The following CTNNA3 variants were observed in gnomAD, a reference collection of about 807,000 sequenced individuals.
CTNNA3 encodes the protein catenin alpha-3.
In CTNNA3, 76 loss-of-function variants were observed where a neutral mutation model predicts 95.7. The observed-to-expected ratio is 0.79, with a 90% CI of 0.66 to 0.96. CTNNA3 has a LOEUF of 0.96. CTNNA3 is among the 40% of genes least tolerant of loss of function. The probability of loss-of-function intolerance (pLI) is 0.00; values close to 1 mark genes in which losing one functional copy is unlikely to be tolerated. For synonymous variants in CTNNA3, 431 were observed against 374.4 expected (o/e 1.15, Z -1.74); for missense variants, 1,191 against 1,089.8 (o/e 1.09, Z -1.31).
In CTNNA3 at chr10:66,064,138, T is replaced by C. The variant is rs539134421; in HGVS notation, c.2159+5170A>G. ...TAGGCAAAGGAGAAGCAAGGCACCT[T>C]CTTTACAAGGCGCAGGAAAGAAAAG... On this transcript the variant is annotated intron_variant, in intron 15 of 17. Coordinates refer to ENST00000433211, the MANE Select transcript of CTNNA3 (RefSeq NM_013266.4). 2.8e-4 allele frequency among the ~76,000 whole-genome samples: 42 copies of C among 152,226 alleles called. 1 individual carries two copies. Among genetic ancestry groups the C allele is most frequent in the African/African-American group, 1.0e-3 (42 of 41,548 alleles).
At chr10:66,292,796 C>A (rs985403291) in intron 12 of CTNNA3, among the ~76,000 whole-genome samples, 1 of 152,126 alleles carries the variant, frequency 6.6e-6, no homozygotes, top group Admixed American at 6.5e-5. Flanking sequence ...AGGCTGCCTG[C>A]AAATGTAGAG....
chr10:66,178,634 A>G (rs2085870834), intron 13 of CTNNA3, among the ~76,000 whole-genome samples: 1 of 151,470 alleles, frequency 6.6e-6, no homozygotes, highest in African/African-American at 2.4e-5. Context: ...AAAACAAGCT[A>G]CAGAGTTGGA....
intron 10 of CTNNA3, among the ~76,000 whole-genome samples, chr10:66,621,292 A>T (rs1484233428): frequency 6.6e-6 from 1 of 152,112 alleles, no homozygotes; most frequent in Non-Finnish European, 1.5e-5. Flanking sequence ...CTCTCTTTTT[A>T]AGAATCGCCT....
chr10:66,870,215 T>C (rs953175301), intron 7 of CTNNA3, among the ~76,000 whole-genome samples: 4 of 152,098 alleles, frequency 2.6e-5, no homozygotes, highest in Non-Finnish European at 5.9e-5. Flanking sequence ...AGAGATACAA[T>C]ATGCAAATTA....
In CTNNA3 at chr10:65,918,364, T is replaced by C. The variant is rs2077032404; in HGVS notation, c.*1966A>G. 1 of 152,160 alleles carries C rather than the reference T, an allele frequency of 6.6e-6. No individual in the cohort carries two copies. The highest frequency in any genetic ancestry group is 1.5e-5 in the Non-Finnish European group (1 of 68,006). 9.4% of individuals were successfully genotyped at this position (152,160 alleles called of 1,614,324 possible). On this transcript the variant is annotated 3_prime_UTR_variant, in exon 18 of 18. Transcript: ENST00000433211. Reference sequence around the variant, plus strand: ...TCAAAAAAATTTTCTATACAGCTGGTAGTTTGGTGATTAAAAGAAAATTCC... The same window carrying C: ...TCAAAAAAATTTTCTATACAGCTGGCAGTTTGGTGATTAAAAGAAAATTCC...
At chr10:67,573,387 TA>T (rs1162617091) in intron 3 of CTNNA3, among the ~76,000 whole-genome samples, 1 of 152,128 alleles carries the variant, frequency 6.6e-6, no homozygotes, top group Non-Finnish European at 1.5e-5. Flanking sequence ...GGGTGACTGA[TA>T]AGTCTTGAGG....
At chr10:66,442,339 T>A (rs958109158) in intron 11 of CTNNA3, among the ~76,000 whole-genome samples, 10 of 137,428 alleles carry the variant, frequency 7.3e-5, no homozygotes, top group African/African-American at 2.6e-4. Flanking sequence ...GATGGCTGTA[T>A]AATATGGATT....
At chr10:66,885,505 A>G (rs1845010410) in intron 7 of CTNNA3, among the ~76,000 whole-genome samples, 1 of 152,130 alleles carries the variant, frequency 6.6e-6, no homozygotes, top group Non-Finnish European at 1.5e-5. Flanking sequence ...GTCCAGATTC[A>G]GAACTCAAGT....
intron 7 of CTNNA3, among the ~76,000 whole-genome samples, chr10:67,118,887 T>A (rs1363967580): frequency 6.6e-6 from 1 of 151,902 alleles, no homozygotes; most frequent in Non-Finnish European, 1.5e-5. Flanking sequence ...AAATATATAA[T>A]AACATTTTTA....
chr10:66,805,439 T>C (rs1841600163), intron 7 of CTNNA3, among the ~76,000 whole-genome samples: 1 of 150,684 alleles, frequency 6.6e-6, no homozygotes, highest in African/African-American at 2.4e-5. Flanking sequence ...TAATTATGTG[T>C]TCATGATTTT....
intron 15 of CTNNA3, among the ~76,000 whole-genome samples, chr10:66,047,009 C>A (rs1484569074): frequency 2.0e-5 from 3 of 152,002 alleles, no homozygotes; most frequent in Admixed American, 6.6e-5. Context: ...CCAAAAAAAG[C>A]CCAGGACCTG....
chr10:66,264,301 G>C (rs1260260954), intron 13 of CTNNA3, among the ~76,000 whole-genome samples: 2 of 151,804 alleles, frequency 1.3e-5, no homozygotes, highest in African/African-American at 4.8e-5. Flanking sequence ...AGCCACATTT[G>C]TTTCCCAATT....
In CTNNA3 at chr10:67,162,286, G is replaced by A. The variant is rs1195706589; in HGVS notation, c.1047+18031C>T. Among the ~76,000 whole-genome samples, 6 of 151,520 alleles carry A rather than the reference G, an allele frequency of 4.0e-5. No homozygotes were observed. The East Asian group carries it at 7.7e-4, about 20-fold the overall frequency. The stretch of plus-strand genomic sequence containing the variant: ...CAACAAATTCTCAAGACCACGAGTG[G>A]GACAAGGAAATATCCTACAGGCAGC... On this transcript the variant is annotated intron_variant, in intron 7 of 17. Transcript: ENST00000433211.
At chr10:66,878,903 G>C (rs1844736112) in intron 7 of CTNNA3, among the ~76,000 whole-genome samples, 1 of 152,134 alleles carries the variant, frequency 6.6e-6, no homozygotes, top group South Asian at 2.1e-4. Context: ...ATGTGACTTT[G>C]TACAAACCAA....
At chr10:66,501,005 C>T (rs2131964089) in intron 11 of CTNNA3, among the ~76,000 whole-genome samples, 2 of 152,162 alleles carry the variant, frequency 1.3e-5, no homozygotes, top group South Asian at 4.2e-4. Context: ...GCGATGAAAG[C>T]CTGAAATCTC....
intron 11 of CTNNA3, among the ~76,000 whole-genome samples, chr10:66,382,032 T>C (rs909831367): frequency 2.6e-5 from 4 of 152,138 alleles, no homozygotes; most frequent in Admixed American, 2.0e-4. Context: ...AGATGGATGA[T>C]TTCTGCATTT....
chr10:67,527,180 C>T (rs1448269172), intron 4 of CTNNA3, among the ~76,000 whole-genome samples: 1 of 151,960 alleles, frequency 6.6e-6, no homozygotes, highest in Non-Finnish European at 1.5e-5. Context: ...TTGCTTGAGC[C>T]CAGGAGGCAG....
intron 9 of CTNNA3, among the ~76,000 whole-genome samples, chr10:66,685,321 GTGTGTATATATA>G (rs1847241000): frequency 0.011 from 244 of 21,966 alleles, 13 homozygotes; most frequent in African/African-American, 0.036. Context: ...GTGTGTGTAT[GTGTGTATATATA>G]TATATATATA....
At chr10:66,919,493 A>C (rs372100751) in intron 7 of CTNNA3, among the ~76,000 whole-genome samples, 1 of 152,164 alleles carries the variant, frequency 6.6e-6, no homozygotes, top group African/African-American at 2.4e-5. Flanking sequence ...AAACCTGAGA[A>C]TATGGATTGA....
Sources: allele counts gnomAD v4.1 joint callset (sites outside exome capture counted in the v4.1 genomes callset), GRCh38; gene constraint gnomAD v4.1.1; transcripts MANE v1.5; gene names NCBI Gene and HGNC (gene_info 2026-07-23, HGNC 2026-07-21).